SYT16: variants seen among roughly 807,000 people sequenced by gnomAD.
The protein encoded by SYT16 is synaptotagmin 16, also known as synaptotagmin-16.
A neutral mutation model predicts 61.4 loss-of-function variants in SYT16; 42 were observed. That is an observed-to-expected ratio of 0.68 (90% CI 0.53 to 0.89). The LOEUF (loss-of-function observed/expected upper bound fraction) is 0.89, where lower values mean the gene tolerates loss of function less well. SYT16 is among the 40% of genes least tolerant of loss of function. The pLI is 0.00. For synonymous variants in SYT16, 314 were observed against 302.3 expected, an observed-to-expected ratio of 1.04 and a Z score of -0.40; for missense variants, 804 against 807.3, an observed-to-expected ratio of 1.00 and a Z score of 0.05.
intron 3 of SYT16, among the ~76,000 whole-genome samples, chr14:62,034,389 A>G (rs2054424585): frequency 6.6e-6 from 1 of 152,210 alleles, no homozygotes; most frequent in African/African-American, 2.4e-5. Flanking sequence ...TGTTCAAACA[A>G]AATCCTGTAC....
chr14:62,038,817 T>C (rs956419324), intron 3 of SYT16, among the ~76,000 whole-genome samples: 8 of 152,220 alleles, frequency 5.3e-5, no homozygotes, highest in African/African-American at 1.9e-4. Context: ...TGTTGAATAA[T>C]GATTTAATAG....
At chr14:61,929,439 A>T (rs971370576) in intron 1 of SYT16, among the ~76,000 whole-genome samples, 1 of 152,218 alleles carries the variant, frequency 6.6e-6, no homozygotes, top group African/African-American at 2.4e-5. Flanking sequence ...TCACAAAAAG[A>T]TGTGCAAGGG....
chr14:62,022,174 G>A (rs1045825310), intron 3 of SYT16, among the ~76,000 whole-genome samples: 4 of 151,794 alleles, frequency 2.6e-5, no homozygotes, highest in Non-Finnish European at 5.9e-5. Context: ...AATTCCATAT[G>A]AGACTGTTTT....
At position 62,005,786 on chromosome 14, in the gene SYT16, A is replaced by G. The variant is rs527886973; in HGVS notation, c.523+9244A>G. ...AAAACATTGTGGGGAACAGACAAGT[A>G]TACACAAGTATAAGCCACAGGCCTC... On this transcript the variant is annotated intron_variant, in intron 3 of 7. Transcript: ENST00000683842. Among the ~76,000 whole-genome samples the G allele has an allele frequency of 1.1e-4, 17 of 152,316 alleles. No individual in the cohort carries two copies. In the South Asian group the frequency reaches 3.5e-3, roughly 32 times the overall value.
chr14:61,954,458 T>C (rs1330664031), intron 1 of SYT16, among the ~76,000 whole-genome samples: 1 of 152,108 alleles, frequency 6.6e-6, no homozygotes, highest in Non-Finnish European at 1.5e-5. Flanking sequence ...CAGATGGGGC[T>C]ATCCAGTGGC....
chr14:61,997,343 G>A (rs968117734), intron 3 of SYT16, among the ~76,000 whole-genome samples: 27 of 151,996 alleles, frequency 1.8e-4, no homozygotes, highest in African/African-American at 6.0e-4. Flanking sequence ...GCACATATAA[G>A]TCACACAGAT....
chr14:61,852,136 G>A (rs1213497442), intron 1 of SYT16, among the ~76,000 whole-genome samples: 1 of 152,072 alleles, frequency 6.6e-6, no homozygotes, highest in Non-Finnish European at 1.5e-5. Flanking sequence ...TTCTACATAT[G>A]GATAGCCAGT....
chr14:61,997,958 T>C (rs368361741), intron 3 of SYT16, among the ~76,000 whole-genome samples: 5 of 152,036 alleles, frequency 3.3e-5, no homozygotes, highest in African/African-American at 1.2e-4. Context: ...GATTCATCTC[T>C]GTTTTCTTAA....
intron 1 of SYT16, among the ~76,000 whole-genome samples, chr14:61,853,541 C>T (rs2046682521): frequency 6.6e-6 from 1 of 152,154 alleles, no homozygotes; most frequent in South Asian, 2.1e-4. Context: ...CTGCTATCTT[C>T]TTTGTACCTT....
At chr14:62,084,163 G>A (rs1484852141) in intron 6 of SYT16, 33 bp from the exon 7 acceptor site, 4 of 1,605,858 alleles carry the variant, frequency 2.5e-6, no homozygotes, top group Admixed American at 1.7e-5. Flanking sequence ...TGCAGCGTGG[G>A]CCAATGGATT....
At chr14:61,858,166 A>G (rs117505439) in intron 1 of SYT16, among the ~76,000 whole-genome samples, 3,178 of 151,492 alleles carry the variant, frequency 0.021, 59 homozygotes, top group Admixed American at 0.037. Context: ...GAAAAAAAAA[A>G]TTGGGGAATC....
chr14:62,008,390 TTTA>T (rs968244121), intron 3 of SYT16, among the ~76,000 whole-genome samples: 9 of 152,072 alleles, frequency 5.9e-5, no homozygotes, highest in Non-Finnish European at 1.2e-4. Context: ...AGTTTGTAAG[TTTA>T]TGAAACATTT....
intron 1 of SYT16, among the ~76,000 whole-genome samples, chr14:61,906,694 G>A (rs1454975516): frequency 1.4e-5 from 2 of 146,610 alleles, no homozygotes; most frequent in Non-Finnish European, 3.0e-5. Context: ...AACTCAAGAT[G>A]TACCATCCAT....
chr14:61,949,740 T>C (rs933317884), intron 1 of SYT16, among the ~76,000 whole-genome samples: 3 of 152,316 alleles, frequency 2.0e-5, no homozygotes, highest in Admixed American at 1.3e-4. Flanking sequence ...TTCACAACTT[T>C]ACAGCATTTG....
At chr14:62,067,371 A>T (rs2056104597) in intron 3 of SYT16, among the ~76,000 whole-genome samples, 1 of 152,168 alleles carries the variant, frequency 6.6e-6, no homozygotes, top group African/African-American at 2.4e-5. Flanking sequence ...GGACTGTAGG[A>T]TGAAGTGCCA....
chr14:61,858,289 G>A (rs1594770550), intron 1 of SYT16, among the ~76,000 whole-genome samples: 1 of 152,018 alleles, frequency 6.6e-6, no homozygotes, highest in Non-Finnish European at 1.5e-5. Flanking sequence ...CAGAAGTTAG[G>A]ATCTTTCTTT....
intron 1 of SYT16, among the ~76,000 whole-genome samples, chr14:61,868,564 T>A (rs960264288): frequency 6.6e-6 from 1 of 152,004 alleles, no homozygotes. Flanking sequence ...CTTTTAATCA[T>A]GGGATATTTA....
intron 1 of SYT16, among the ~76,000 whole-genome samples, chr14:61,813,364 A>C (rs897292743): frequency 6.6e-6 from 1 of 152,230 alleles, no homozygotes; most frequent in Admixed American, 6.5e-5. Context: ...GAAACTCTGA[A>C]TGGAAGCGTT....
intron 1 of SYT16, among the ~76,000 whole-genome samples, chr14:61,881,209 C>A (rs1198091347): frequency 6.6e-6 from 1 of 152,188 alleles, no homozygotes; most frequent in African/African-American, 2.4e-5. Context: ...TTTCCAGTAA[C>A]ATACAAATGT....
Sources: gnomAD v4.1 joint callset for allele counts (sites outside exome capture counted in the v4.1 genomes callset) on GRCh38, gnomAD v4.1.1 for gene constraint, MANE v1.5 for transcripts, NCBI Gene and HGNC (gene_info 2026-07-23, HGNC 2026-07-21) for gene names.